The following SRGAP1 variants were observed in gnomAD, a reference collection of about 807,000 sequenced individuals.
SRGAP1 encodes SLIT-ROBO Rho GTPase-activating protein 1.
Under a neutral mutation model 121.9 loss-of-function variants are expected in SRGAP1, and 43 were observed. That is an observed-to-expected ratio of 0.35 (90% CI 0.28 to 0.46). The LOEUF (loss-of-function observed/expected upper bound fraction) is 0.46. SRGAP1 is among the 20% of genes least tolerant of loss of function. SRGAP1 has a pLI of 1.00. For synonymous variants in SRGAP1, 447 were observed against 485.4 expected (o/e 0.92, Z 1.04); for missense variants, 1,102 against 1,350.9 (o/e 0.82, Z 2.89).
At chr12:64,072,108 C>CTCTCTG (rs775247857) in intron 8 of SRGAP1, among the ~76,000 whole-genome samples, 2 of 80,366 alleles carry the variant, frequency 2.5e-5, no homozygotes, top group African/African-American at 9.3e-5. Flanking sequence ...CAATCTCTCT[C>CTCTCTG]TGTGTGTGTG....
At chr12:64,043,084 A>G in intron 5 of SRGAP1, 112 bp downstream of exon 5, 1 of 755,410 alleles carries the variant, frequency 1.3e-6, no homozygotes, top group Non-Finnish European at 2.2e-6. Flanking sequence ...AAAGACATGC[A>G]TTTCCTCCCA....
chr12:64,091,220 G>T, intron 11 of SRGAP1, 56 bp from the exon 12 acceptor site: 1 of 1,303,506 alleles, frequency 7.7e-7, no homozygotes, highest in South Asian at 1.6e-5. Context: ...ACCTATAGAT[G>T]TTTCATTTAT....
intron 1 of SRGAP1, chr12:63,871,782 A>T: frequency 7.8e-7 from 1 of 1,283,624 alleles, no homozygotes; most frequent in East Asian, 2.3e-5. Context: ...ATATCCTCCC[A>T]GTTCAAAATG....
chr12:64,063,082 C>A lies in SRGAP1; in HGVS notation c.967C>A (p.Pro323Thr), dbSNP rs145973371. The A allele has an allele frequency of 9.9e-6, 16 of 1,614,074 alleles. No individual in the cohort carries two copies. The highest frequency in any genetic ancestry group is 1.4e-5 in the Non-Finnish European group (16 of 1,179,984). Residue 323 changes from proline to threonine, a missense_variant, in exon 7 of 22, where the codon CCT becomes ACT. Physicochemically the swap from Pro to Thr is conservative, Grantham distance 38. Around this residue, in one of 3 missense-constraint regions of SRGAP1, gnomAD observed 747 missense variants for 929.4 expected, o/e 0.80. Transcript: ENST00000355086. Reference sequence around the variant, plus strand: ...TAAGCAGAGATTCATGGAGATGTACCCTGCTGCGTTCTGTCCACCAATGAA... The same window carrying A: ...TAAGCAGAGATTCATGGAGATGTACACTGCTGCGTTCTGTCCACCAATGAA... Reference protein sequence around the residue: ...SDKQRFMEMYPAAFCPPMKFE... With the variant: ...SDKQRFMEMYTAAFCPPMKFE...
intron 21 of SRGAP1, among the ~76,000 whole-genome samples, chr12:64,141,272 T>TAAAAA (rs977006357): frequency 2.3e-4 from 11 of 48,192 alleles, no homozygotes; most frequent in South Asian, 6.0e-4. Flanking sequence ...TAAAGTATAA[T>TAAAAA]AAAAAAAAAA....
chr12:64,142,520 A>T lies in SRGAP1; in HGVS notation c.3106A>T (p.Ser1036Cys). The T allele has an allele frequency of 1.2e-6, 2 of 1,614,198 alleles. No individual in the cohort carries two copies. The highest frequency in any genetic ancestry group is 1.7e-6 in the Non-Finnish European group (2 of 1,180,038). ...CACGAGCTCCTCCAGTGACACAATG[A>T]GTACTTTCAAGCCTATGGTGGCACC... is the stretch of plus-strand genomic sequence containing the variant. ...RSTSSSSDTM[S>C]TFKPMVAPRM... is the part of the protein sequence containing the mutation. Residue 1036 changes from serine (S) to cysteine (C), a missense_variant, in exon 22 of 22, where the codon AGT becomes TGT. Physicochemically the swap from Ser to Cys is moderately radical, Grantham distance 112 (BLOSUM62 -1). Transcript: ENST00000355086.
chr12:64,003,670 T>A (rs4516056), intron 3 of SRGAP1, among the ~76,000 whole-genome samples: 66,032 of 151,236 alleles, frequency 0.44, 14,495 homozygotes, highest in South Asian at 0.52. Context: ...AAAAATATTT[T>A]AAAAAAAATG....
At position 64,126,152 on chromosome 12, in the gene SRGAP1, G is replaced by A. The variant is rs1219316180; in HGVS notation, c.2400G>A (p.Gln800=). The A allele has an allele frequency of 3.1e-6, 5 of 1,611,712 alleles. No homozygotes were observed. In the East Asian group the frequency reaches 8.9e-5, roughly 29 times the overall value. ...GLVPHQYIVV[Q]DMDDTFSDTL... ...TGCCTCACCAGTATATAGTGGTGCA[G>A]GATATGTGAGTAGTCTCAACTTTGA... The change falls in exon 19 of 22, where the codon CAG becomes CAA. Residue 800 remains glutamine (Q), a synonymous_variant. Transcript: ENST00000355086.
chr12:63,898,438 C>T (rs1392007976), intron 1 of SRGAP1, among the ~76,000 whole-genome samples: 2 of 152,206 alleles, frequency 1.3e-5, no homozygotes, highest in African/African-American at 2.4e-5. Flanking sequence ...GTATTCCCTT[C>T]TGATAATTTT....
At chr12:63,963,655 A>T (rs957722526) in intron 1 of SRGAP1, among the ~76,000 whole-genome samples, 3 of 152,130 alleles carry the variant, frequency 2.0e-5, no homozygotes, top group Non-Finnish European at 4.4e-5. Flanking sequence ...ATCTAATTGT[A>T]ATTTTTTACC....
At chr12:64,118,710 CTTATTTATTTAT>C (rs377520467) in intron 18 of SRGAP1, among the ~76,000 whole-genome samples, 18 of 150,348 alleles carry the variant, frequency 1.2e-4, no homozygotes, top group African/African-American at 2.5e-4. Context: ...TCTTTGGTGC[CTTATTTATTTAT>C]TTATTTATTT....
At chr12:64,113,275 G>A (rs1322296544) in intron 17 of SRGAP1, among the ~76,000 whole-genome samples, 11 of 152,060 alleles carry the variant, frequency 7.2e-5, no homozygotes, top group African/African-American at 1.4e-4. Context: ...AGGCATGGTG[G>A]TACGTGCCTG....
intron 15 of SRGAP1, among the ~76,000 whole-genome samples, chr12:64,104,618 C>T (rs947795876): frequency 9.9e-5 from 15 of 152,218 alleles, no homozygotes; most frequent in African/African-American, 3.6e-4. Flanking sequence ...CTGTAGGATA[C>T]ACATTGCGCG....
rs530425235 is a variant in SRGAP1, at chr12:63,903,411, C to T, written c.67+58528C>T. ...TTTGTATTGTATTACAAATACAATA[C>T]GTTTTTGTATTTTTAGTAGAGACAG... On this transcript the variant is annotated intron_variant, in intron 1 of 21. Transcript: ENST00000355086. Among the ~76,000 whole-genome samples, 27 of 151,908 alleles carry T rather than the reference C, an allele frequency of 1.8e-4. No individual in the cohort carries two copies. In the South Asian group the frequency reaches 3.7e-3, roughly 21 times the overall value.
At chr12:64,094,821 C>G in intron 12 of SRGAP1, 111 bp from the exon 13 acceptor site, 3 of 1,044,696 alleles carry the variant, frequency 2.9e-6, no homozygotes, top group Non-Finnish European at 2.9e-6. Flanking sequence ...ACTTGGTTTG[C>G]TCCAGAACTG....
intron 1 of SRGAP1, among the ~76,000 whole-genome samples, chr12:63,880,693 C>T (rs1592909982): frequency 6.6e-6 from 1 of 152,150 alleles, no homozygotes; most frequent in East Asian, 1.9e-4. Context: ...AGTTTCTCCT[C>T]CATCCCCTGT....
At chr12:64,111,016 A>G (rs1289808843) in intron 16 of SRGAP1, among the ~76,000 whole-genome samples, 5 of 152,200 alleles carry the variant, frequency 3.3e-5, no homozygotes, top group Non-Finnish European at 2.9e-5. Flanking sequence ...AACTCTCCCT[A>G]GAACAAGGAG....
intron 4 of SRGAP1, among the ~76,000 whole-genome samples, chr12:64,034,454 A>G (rs905226122): frequency 6.6e-6 from 1 of 152,222 alleles, no homozygotes; most frequent in African/African-American, 2.4e-5. Context: ...ATAGCAGTGC[A>G]AAAGCAGAGT....
chr12:64,138,206 A>G (rs1261240844), intron 21 of SRGAP1, among the ~76,000 whole-genome samples: 1 of 151,728 alleles, frequency 6.6e-6, no homozygotes, highest in African/African-American at 2.4e-5. Flanking sequence ...TATAAGTGCA[A>G]TCATACAGTA....
Sources: allele counts gnomAD v4.1 joint callset (sites outside exome capture counted in the v4.1 genomes callset), GRCh38; gene constraint gnomAD v4.1.1; regional missense constraint gnomAD v4.1.1; transcripts MANE v1.5; gene names NCBI Gene and HGNC (gene_info 2026-07-23, HGNC 2026-07-21).